DLGAP1: variants seen among roughly 807,000 people sequenced by gnomAD.
The protein encoded by DLGAP1 is DLG associated protein 1.
In DLGAP1, 11 loss-of-function variants were observed where a neutral mutation model predicts 90.8. The observed-to-expected ratio is 0.12, with a 90% CI of 0.08 to 0.20. The LOEUF is 0.20. Ranked by LOEUF, DLGAP1 falls within the 10% of genes least tolerant of loss-of-function variation. DLGAP1 has a pLI of 1.00. For synonymous variants in DLGAP1, 558 were observed against 540.7 expected, an observed-to-expected ratio of 1.03 and a Z score of -0.44; for missense variants, 1,050 against 1,333.8, an observed-to-expected ratio of 0.79 and a Z score of 3.31.
chr18:3,622,458 A>C (rs1825655136), intron 7 of DLGAP1, among the ~76,000 whole-genome samples: 1 of 152,148 alleles, frequency 6.6e-6, no homozygotes, highest in East Asian at 1.9e-4. Flanking sequence ...AATGATGGGG[A>C]AAGTTACTCT....
At chr18:3,917,024 T>G (rs565447509) in intron 3 of DLGAP1, among the ~76,000 whole-genome samples, 84 of 152,334 alleles carry the variant, frequency 5.5e-4, no homozygotes, top group African/African-American at 2.0e-3. Context: ...GGTACAATAC[T>G]CAGCAGATTA....
intron 7 of DLGAP1, among the ~76,000 whole-genome samples, chr18:3,647,774 T>C (rs2059173100): frequency 1.3e-5 from 2 of 152,178 alleles, no homozygotes; most frequent in African/African-American, 4.8e-5. Flanking sequence ...CTATTTAAGC[T>C]TCTTAATCAA....
intron 7 of DLGAP1, among the ~76,000 whole-genome samples, chr18:3,613,113 C>T (rs929779752): frequency 2.0e-5 from 3 of 152,134 alleles, no homozygotes; most frequent in Non-Finnish European, 2.9e-5. Flanking sequence ...GCTGGGATTA[C>T]AGGCATGAGC....
At chr18:4,323,490 T>C (rs571195126) in intron 1 of DLGAP1, among the ~76,000 whole-genome samples, 1 of 152,284 alleles carries the variant, frequency 6.6e-6, no homozygotes, top group African/African-American at 2.4e-5. Context: ...CCCCATGTTC[T>C]TTGCAGCATT....
intron 3 of DLGAP1, among the ~76,000 whole-genome samples, chr18:3,940,323 C>T (rs2072740759): frequency 1.3e-5 from 2 of 152,220 alleles, no homozygotes; most frequent in African/African-American, 4.8e-5. Flanking sequence ...TAAGCTGGAG[C>T]ACCCAAATAA....
In DLGAP1 at chr18:3,601,141, C is replaced by T. The variant is rs1459205463; in HGVS notation, c.1592-18893G>A. Reference sequence around the variant, plus strand: ...TCACCCTGTGGCTCAGGCTAGAGTGCAGTGATGTGATCTCAGCTCACTGCA... The same window carrying T: ...TCACCCTGTGGCTCAGGCTAGAGTGTAGTGATGTGATCTCAGCTCACTGCA... On this transcript the variant is annotated intron_variant, in intron 7 of 12. Transcript: ENST00000315677. Among the ~76,000 whole-genome samples, 6 of 151,676 alleles carry T rather than the reference C, an allele frequency of 4.0e-5. No homozygotes were observed. The East Asian group carries it at 1.2e-3, about 29-fold the overall frequency.
intron 1 of DLGAP1, among the ~76,000 whole-genome samples, chr18:4,445,337 T>G (rs1359731810): frequency 6.6e-6 from 1 of 151,992 alleles, no homozygotes; most frequent in East Asian, 1.9e-4. Context: ...AGGGTACATG[T>G]GCACCTTATG....
chr18:4,140,969 T>G (rs11874330), intron 2 of DLGAP1, among the ~76,000 whole-genome samples: 2,790 of 152,102 alleles, frequency 0.018, 85 homozygotes, highest in African/African-American at 0.061. Flanking sequence ...CCTTTCATTA[T>G]CCTTGACCTT....
chr18:3,688,838 G>A (rs1453484171), intron 7 of DLGAP1, among the ~76,000 whole-genome samples: 1 of 151,936 alleles, frequency 6.6e-6, no homozygotes, highest in Non-Finnish European at 1.5e-5. Flanking sequence ...TCTTTCATCC[G>A]GCCTCCTTTC....
chr18:4,017,209 C>T (rs1050136846), intron 2 of DLGAP1, among the ~76,000 whole-genome samples: 4 of 152,182 alleles, frequency 2.6e-5, no homozygotes, highest in Admixed American at 2.6e-4. Flanking sequence ...TCTCTGCATC[C>T]TTCCCTCACT....
At chr18:3,795,400 C>T (rs184598966) in intron 5 of DLGAP1, among the ~76,000 whole-genome samples, 137 of 152,286 alleles carry the variant, frequency 9.0e-4, no homozygotes, top group African/African-American at 3.2e-3. Flanking sequence ...ACTGCAACCT[C>T]CGCCCCCTGG....
chr18:3,697,132 C>CA (rs749765970), intron 7 of DLGAP1, among the ~76,000 whole-genome samples: 118 of 152,014 alleles, frequency 7.8e-4, no homozygotes, highest in African/African-American at 2.8e-3. Context: ...TTAATCTTTT[C>CA]AAAAAACCAG....
chr18:3,768,160 T>G (rs1259489007), intron 5 of DLGAP1, among the ~76,000 whole-genome samples: 1 of 152,166 alleles, frequency 6.6e-6, no homozygotes, highest in East Asian at 1.9e-4. Flanking sequence ...TATGTAGTAA[T>G]GAACACCTGG....
chr18:4,112,030 ATT>A (rs2075982560), intron 2 of DLGAP1, among the ~76,000 whole-genome samples: 1 of 151,386 alleles, frequency 6.6e-6, no homozygotes, highest in South Asian at 2.1e-4. Context: ...ATGGTTATTT[ATT>A]TGAGATCTTT....
At chr18:4,090,073 C>T (rs1338058496) in intron 2 of DLGAP1, among the ~76,000 whole-genome samples, 2 of 152,040 alleles carry the variant, frequency 1.3e-5, no homozygotes, top group Non-Finnish European at 1.5e-5. Flanking sequence ...GGACCCCTTC[C>T]TTACATCTTA....
intron 3 of DLGAP1, among the ~76,000 whole-genome samples, chr18:3,972,349 T>G (rs980213009): frequency 1.3e-5 from 2 of 151,956 alleles, no homozygotes; most frequent in African/African-American, 4.8e-5. Flanking sequence ...CCGTCTCTAT[T>G]TAAAAATAAT....
At chr18:4,128,103 T>G (rs1167436774) in intron 2 of DLGAP1, among the ~76,000 whole-genome samples, 1 of 152,144 alleles carries the variant, frequency 6.6e-6, no homozygotes, top group Non-Finnish European at 1.5e-5. Context: ...CTAGAGAAAA[T>G]CATGGTTGGT....
chr18:4,190,125 T>C (rs984878150), intron 1 of DLGAP1, among the ~76,000 whole-genome samples: 3 of 151,914 alleles, frequency 2.0e-5, no homozygotes, highest in African/African-American at 4.8e-5. Flanking sequence ...TATCCTTTAA[T>C]AGATGAAGGA....
intron 1 of DLGAP1, among the ~76,000 whole-genome samples, chr18:4,303,547 C>T (rs2080177674): frequency 6.6e-6 from 1 of 152,136 alleles, no homozygotes; most frequent in Admixed American, 6.5e-5. Context: ...GCTACAGCAC[C>T]ATCAAATTTT....
Sources: allele counts gnomAD v4.1 joint callset (sites outside exome capture counted in the v4.1 genomes callset), GRCh38; gene constraint gnomAD v4.1.1; transcripts MANE v1.5; gene names NCBI Gene and HGNC (gene_info 2026-07-23, HGNC 2026-07-21).